Variants in PLCB4 observed in about 807,000 individuals in gnomAD.
PLCB4 encodes the protein 1-phosphatidylinositol 4,5-bisphosphate phosphodiesterase beta-4.
Under a neutral mutation model 178.8 loss-of-function variants are expected in PLCB4, and 77 were observed. The observed-to-expected ratio is 0.43, with a 90% CI of 0.36 to 0.52. The LOEUF is 0.52. Ranked by LOEUF, PLCB4 falls within the 20% of genes least tolerant of loss-of-function variation. The probability of loss-of-function intolerance (pLI) is 0.00; values close to 1 mark genes in which losing one functional copy is unlikely to be tolerated. For missense variants in PLCB4, 1,024 were observed against 1,453.4 expected, an observed-to-expected ratio of 0.70 and a Z score of 4.80; for synonymous variants, 496 against 490.8, an observed-to-expected ratio of 1.01 and a Z score of -0.14.
At chr20:9,179,331 T>G (rs1372166928) in intron 2 of PLCB4, among the ~76,000 whole-genome samples, 1 of 152,096 alleles carries the variant, frequency 6.6e-6, no homozygotes, top group African/African-American at 2.4e-5. Context: ...TCAATATTGC[T>G]GGCTTCAAAG....
intron 2 of PLCB4, among the ~76,000 whole-genome samples, chr20:9,114,757 A>G (rs1415649960): frequency 2.0e-5 from 3 of 152,182 alleles, no homozygotes; most frequent in Non-Finnish European, 4.4e-5. Context: ...GAATCATATT[A>G]TGGCACCTGG....
chr20:9,362,612 A>G (rs2035438701), intron 7 of PLCB4, among the ~76,000 whole-genome samples: 2 of 152,336 alleles, frequency 1.3e-5, no homozygotes, highest in South Asian at 2.1e-4. Flanking sequence ...ACAAGCTGCA[A>G]ATAGAAAGCT....
At chr20:9,389,456 G>C (rs1018343606) in intron 15 of PLCB4, among the ~76,000 whole-genome samples, 6 of 152,162 alleles carry the variant, frequency 3.9e-5, no homozygotes, top group Non-Finnish European at 8.8e-5. Context: ...CAGCAGTCCT[G>C]AGGTTACTAC....
intron 2 of PLCB4, among the ~76,000 whole-genome samples, chr20:9,150,167 A>T (rs2092668090): frequency 6.6e-6 from 1 of 152,208 alleles, no homozygotes; most frequent in Non-Finnish European, 1.5e-5. Context: ...AATGTGAAAG[A>T]TAAATACAGT....
chr20:9,361,436 C>A (rs1440067894), intron 7 of PLCB4, among the ~76,000 whole-genome samples: 3 of 152,074 alleles, frequency 2.0e-5, no homozygotes, highest in Non-Finnish European at 4.4e-5. Context: ...GTCAGAATCA[C>A]AGAGACAGAA....
chr20:9,431,591 G>A (rs1385505559), intron 28 of PLCB4, among the ~76,000 whole-genome samples: 2 of 151,706 alleles, frequency 1.3e-5, no homozygotes, highest in East Asian at 1.9e-4. Flanking sequence ...TCAGCCTCCC[G>A]AGTAGCTGGG....
chr20:9,228,953 C>A (rs1036540880), intron 3 of PLCB4, among the ~76,000 whole-genome samples: 1 of 152,192 alleles, frequency 6.6e-6, no homozygotes, highest in African/African-American at 2.4e-5. Context: ...CCAGCCAGAA[C>A]TCACCACTAG....
At chr20:9,097,953 A>T (rs920964584) in intron 2 of PLCB4, among the ~76,000 whole-genome samples, 6 of 152,160 alleles carry the variant, frequency 3.9e-5, no homozygotes, top group Admixed American at 1.3e-4. Context: ...ACCCGTGTAA[A>T]TTTGGCATTT....
At chr20:9,365,809 T>C (rs1364837775) in intron 9 of PLCB4, among the ~76,000 whole-genome samples, 3 of 152,240 alleles carry the variant, frequency 2.0e-5, no homozygotes, top group Non-Finnish European at 4.4e-5. Context: ...TTTTAGGATT[T>C]ATGTTTCTTT....
chr20:9,277,121 T>C (rs950459774), intron 3 of PLCB4, among the ~76,000 whole-genome samples: 2 of 152,064 alleles, frequency 1.3e-5, no homozygotes. Context: ...ACTGTCATCT[T>C]CCTTCCGTGT....
At chr20:9,464,836 C>T (rs979057020) in intron 35 of PLCB4, among the ~76,000 whole-genome samples, 2 of 152,114 alleles carry the variant, frequency 1.3e-5, no homozygotes, top group Non-Finnish European at 2.9e-5. Context: ...GATTCACAGC[C>T]GAATTCTACC....
At chr20:9,127,652 A>ATCTG in intron 2 of PLCB4, among the ~76,000 whole-genome samples, 1 of 112,556 alleles carries the variant, frequency 8.9e-6, no homozygotes, top group East Asian at 2.6e-4. Flanking sequence ...CTATCTATCT[A>ATCTG]TCTATCTATC....
rs370668370 is a variant in PLCB4, at chr20:9,468,557, T to C, written c.3249-14T>C. On this transcript the variant is annotated splice_polypyrimidine_tract_variant and intron_variant, in intron 35 of 39. Coordinates refer to ENST00000378473, the MANE Select transcript of PLCB4 (RefSeq NM_001377142.1). ...TCCCCCCTCCCTGTTTGTTTTCTTG[T>C]TTTTAATACATAGGGAAAGCAAGGA... The C allele has an allele frequency of 6.5e-7, 1 of 1,543,684 alleles. No individual in the cohort carries two copies. The highest frequency in any genetic ancestry group is 1.4e-5 in the African/African-American group (1 of 73,590).
chr20:9,295,321 A>G (rs1027010466), intron 3 of PLCB4, among the ~76,000 whole-genome samples: 42 of 152,194 alleles, frequency 2.8e-4, no homozygotes, highest in South Asian at 2.1e-4. Context: ...GACATCCACC[A>G]TGTATTCTGT....
intron 2 of PLCB4, among the ~76,000 whole-genome samples, chr20:9,204,076 T>C (rs1210991860): frequency 6.6e-6 from 1 of 152,052 alleles, no homozygotes; most frequent in Non-Finnish European, 1.5e-5. Context: ...CATAAGGCTT[T>C]CTTATTTTAA....
chr20:9,204,153 AG>A (rs1334354152), intron 2 of PLCB4, among the ~76,000 whole-genome samples: 1 of 152,182 alleles, frequency 6.6e-6, no homozygotes, highest in African/African-American at 2.4e-5. Flanking sequence ...CAAATTAAAA[AG>A]ATTCAAAATA....
At chr20:9,371,372 T>G in intron 10 of PLCB4, 77 bp downstream of exon 10, 1 of 769,734 alleles carries the variant, frequency 1.3e-6, no homozygotes, top group Admixed American at 2.0e-5. Context: ...GCTAGATTAT[T>G]TATATTAAAC....
At chr20:9,368,480 T>C (rs2035965840) in intron 9 of PLCB4, among the ~76,000 whole-genome samples, 3 of 152,120 alleles carry the variant, frequency 2.0e-5, no homozygotes, top group Non-Finnish European at 4.4e-5. Context: ...ACAGTAGTTG[T>C]GGGCAGGGGC....
chr20:9,345,140 G>T (rs2033663392), intron 7 of PLCB4, among the ~76,000 whole-genome samples: 1 of 152,166 alleles, frequency 6.6e-6, no homozygotes, highest in Non-Finnish European at 1.5e-5. Context: ...AGTGAGCCGA[G>T]ATTGCACCAC....
Sources: gnomAD v4.1 joint callset for allele counts (sites outside exome capture counted in the v4.1 genomes callset) on GRCh38, gnomAD v4.1.1 for gene constraint, MANE v1.5 for transcripts, NCBI Gene and HGNC (gene_info 2026-07-23, HGNC 2026-07-21) for gene names.